The following SPATA32 variants were observed in gnomAD, a reference collection of about 807,000 sequenced individuals.
SPATA32 encodes the protein spermatogenesis-associated protein 32.
Under a neutral mutation model 35.4 loss-of-function variants are expected in SPATA32, and 28 were observed. The ratio of observed to expected loss-of-function variants is 0.79; its 90% CI spans 0.59 to 1.09. The LOEUF is 1.09. SPATA32 is among the 50% of genes least tolerant of loss of function. The pLI, the probability that SPATA32 is intolerant of heterozygous loss-of-function variation, is 0.00. For synonymous variants in SPATA32, 168 were observed against 196.3 expected (o/e 0.86, Z 1.20); for missense variants, 409 against 475.9 (o/e 0.86, Z 1.31).
chr17:45,256,257 C>T lies in SPATA32; in HGVS notation c.108+119G>A, dbSNP rs2043956373. ...GTGAGGGGGTGTGTGTGTGGGTGTA[C>T]CCACACCGGCCTGGTACTAGGGTCC... On this transcript the variant is annotated intron_variant, in intron 3 of 4. Coordinates refer to ENST00000331780, the MANE Select transcript of SPATA32 (RefSeq NM_152343.3). This position sits in a 1 kb window ranked among gnomAD's most constrained non-coding sequence, Gnocchi z 4.7. 1 of 1,242,894 alleles carries T rather than the reference C, an allele frequency of 8.0e-7. No individual in the cohort carries two copies. The highest frequency in any genetic ancestry group is 1.2e-6 in the Non-Finnish European group (1 of 847,092). The allele number at this position is 1,242,894 out of a possible 1,614,324, so 77.0% of individuals were successfully genotyped here. A position where few individuals can be genotyped will look rare whatever the true frequency, so the allele number is the denominator to read the frequency against.
rs766326334 is a variant in SPATA32, at chr17:45,262,018, C to CA, written c.-3dup. The CA allele has an allele frequency of 1.5e-6, 2 of 1,312,206 alleles. No individual in the cohort carries two copies. Among genetic ancestry groups the CA allele is most frequent in the Non-Finnish European group, 2.0e-6 (2 of 1,021,810 alleles). 81.3% of individuals were successfully genotyped at this position (1,312,206 alleles called of 1,614,324 possible). The stretch of plus-strand genomic sequence containing the variant: ...GCCGCTCCCACCTGTCACCCCCATG[C>CA]AGACCGAGGCTCTGTCCTGGAGGCG... On this transcript the variant is annotated 5_prime_UTR_variant, in exon 1 of 5. Coordinates refer to ENST00000331780, the MANE Select transcript of SPATA32 (RefSeq NM_152343.3).
chr17:45,257,137 T>A lies in SPATA32; in HGVS notation c.68+16A>T. On this transcript the variant is annotated intron_variant, in intron 2 of 4. Transcript: ENST00000331780. ...GGCTCGGGGGAGGCCCTACGTTGAT[T>A]GAGGATGGTTCTCACCGCATCTCTG... 6.2e-7 allele frequency: 1 copy of A among 1,611,706 alleles called. No individual in the cohort carries two copies.
At chr17:45,261,982 C>T (rs2044014808) in intron 1 of SPATA32, 22 bp downstream of exon 1, 1 of 1,312,602 alleles carries the variant, frequency 7.6e-7, no homozygotes, top group Non-Finnish European at 9.8e-7. Flanking sequence ...ACCCTCGCCC[C>T]CGGGCGCTCG....
In SPATA32 at chr17:45,256,308, TG is replaced by T; in HGVS notation, c.108+67del. On this transcript the variant is annotated intron_variant, in intron 3 of 4. Coordinates refer to ENST00000331780, the MANE Select transcript of SPATA32 (RefSeq NM_152343.3). The surrounding 1 kb of genome is among the most constrained non-coding windows in gnomAD (Gnocchi z 4.7). ...CAGGATTGTCAAGGGTAGGGGCTGG[TG>T]GGGACTTAGGGAAGAGCCCTGCCGC... 6.6e-7 allele frequency: 1 copy of T among 1,508,418 alleles called. No homozygotes were observed. Among genetic ancestry groups the T allele is most frequent in the Non-Finnish European group, 9.2e-7 (1 of 1,084,130 alleles). The allele number at this position is 1,508,418 out of a possible 1,614,324, so 93.4% of individuals were successfully genotyped here. A position where few individuals can be genotyped will look rare whatever the true frequency, so the allele number is the denominator to read the frequency against.
chr17:45,255,983 C>T lies in SPATA32; in HGVS notation c.199G>A (p.Gly67Arg), dbSNP rs369771173. ...DPDPDPELEI[G>R]QVPALLESEL... Reference sequence around the variant, plus strand: ...GACTCCAGTAAAGCCGGCACCTGTCCGATCTCCAGTTCTGGGTCTGGGTCT... The same window carrying T: ...GACTCCAGTAAAGCCGGCACCTGTCTGATCTCCAGTTCTGGGTCTGGGTCT... Residue 67 changes from glycine to arginine, a missense_variant, in exon 4 of 5, where the codon GGA (glycine) becomes AGA (arginine). Coordinates refer to ENST00000331780, the MANE Select transcript of SPATA32 (RefSeq NM_152343.3). The surrounding 1 kb of genome is among the most constrained non-coding windows in gnomAD (Gnocchi z 5.4). The T allele has an allele frequency of 2.5e-5, 41 of 1,614,104 alleles. No individual in the cohort carries two copies. The highest frequency in any genetic ancestry group is 1.6e-4 in the Middle Eastern group (1 of 6,062).
In SPATA32 at chr17:45,256,480, T is replaced by C. The variant is rs2043959442; in HGVS notation, c.69-65A>G. 1 of 1,448,856 alleles carries C rather than the reference T, an allele frequency of 6.9e-7. No homozygotes were observed. Among genetic ancestry groups the C allele is most frequent in the Non-Finnish European group, 9.7e-7 (1 of 1,029,376 alleles). The allele number at this position is 1,448,856 out of a possible 1,614,324, so 89.8% of individuals were successfully genotyped here. ...GGGGCTTCAGCGGGAAGGGGGTTTC[T>C]GGGGCCCTCAAAGCCCTCTGCCTTG... is the stretch of plus-strand genomic sequence containing the variant. On this transcript the variant is annotated intron_variant, in intron 2 of 4. Transcript: ENST00000331780. The surrounding 1 kb of genome is among the most constrained non-coding windows in gnomAD (Gnocchi z 4.7).
rs183645075 is a variant in SPATA32, at chr17:45,258,680, G to A, written c.14-1473C>T. Among the ~76,000 whole-genome samples, 8 of 152,264 alleles carry A rather than the reference G, an allele frequency of 5.3e-5. No individual in the cohort carries two copies. In the East Asian group the frequency reaches 9.7e-4, roughly 18 times the overall value. ...GGCAGGGTCTCACTCTGTCACCCAC[G>A]CTGGAGTGTAGTGGTGTGATCTCGG... On this transcript the variant is annotated intron_variant, in intron 1 of 4. Coordinates refer to ENST00000331780, the MANE Select transcript of SPATA32 (RefSeq NM_152343.3).
chr17:45,256,840 C>T lies in SPATA32; in HGVS notation c.68+313G>A, dbSNP rs1472477949. ...CCCACTCTTTCTTCAAGTGCCTGCC[C>T]ACCCCCGCCTTGAGCAGCTCTGTCC... is the stretch of plus-strand genomic sequence containing the variant. On this transcript the variant is annotated intron_variant, in intron 2 of 4. Coordinates refer to ENST00000331780, the MANE Select transcript of SPATA32 (RefSeq NM_152343.3). This position sits in a 1 kb window ranked among gnomAD's most constrained non-coding sequence, Gnocchi z 4.7. Among the ~76,000 whole-genome samples, 1 of 152,176 alleles carries T rather than the reference C, an allele frequency of 6.6e-6. No homozygotes were observed.
chr17:45,258,570 C>T (rs1005878895), intron 1 of SPATA32, among the ~76,000 whole-genome samples: 1 of 152,180 alleles, frequency 6.6e-6, no homozygotes, highest in South Asian at 2.1e-4. Flanking sequence ...CAGCTTGGGA[C>T]CTCGTTGCCT....
intron 1 of SPATA32, among the ~76,000 whole-genome samples, chr17:45,257,855 C>T (rs1421481257): frequency 6.6e-6 from 1 of 152,188 alleles, no homozygotes; most frequent in African/African-American, 2.4e-5. Flanking sequence ...CTCAGATCAC[C>T]CTCTGCAGGG....
Position 45,256,189 on chromosome 17 carries a change from CG to C in SPATA32, c.109-117del. 7.5e-7 allele frequency: 1 copy of C among 1,332,084 alleles called. No homozygotes were observed. Among genetic ancestry groups the C allele is most frequent in the East Asian group, 2.3e-5 (1 of 42,936 alleles). The allele number at this position is 1,332,084 out of a possible 1,614,324, so 82.5% of individuals were successfully genotyped here. On this transcript the variant is annotated intron_variant, in intron 3 of 4. Transcript: ENST00000331780. This position sits in a 1 kb window ranked among gnomAD's most constrained non-coding sequence, Gnocchi z 4.7. ...GCCCTGGGTCCTGCTGTCTTCCCCCCGCCCCCTAACCCCATGCCTGCCTCCT... is the reference window on the plus strand; with the variant it reads ...GCCCTGGGTCCTGCTGTCTTCCCCCCCCCCCTAACCCCATGCCTGCCTCCT...
chr17:45,255,271 C>G lies in SPATA32; in HGVS notation c.911G>C (p.Arg304Thr), dbSNP rs760367578. ...CTGACTCCAAGATTTCAGTGGTGCT[C>G]TGGCTTCGCGTGGTTTCTCTGGCAG... Reference protein sequence around the residue: ...ETLPEKPREARAPLKSWSQED... With the variant: ...ETLPEKPREATAPLKSWSQED... The change falls in exon 4 of 5, where the codon AGA (arginine) becomes ACA (threonine). Residue 304 changes from arginine to threonine, a missense_variant. Coordinates refer to ENST00000331780, the MANE Select transcript of SPATA32 (RefSeq NM_152343.3). The surrounding 1 kb of genome is among the most constrained non-coding windows in gnomAD (Gnocchi z 5.4). 1.9e-6 allele frequency: 3 copies of G among 1,614,080 alleles called. No homozygotes were observed. The highest frequency in any genetic ancestry group is 2.2e-5 in the South Asian group (2 of 91,086).
intron 1 of SPATA32, among the ~76,000 whole-genome samples, chr17:45,257,834 C>T (rs569245806): frequency 7.2e-5 from 11 of 152,298 alleles, no homozygotes; most frequent in African/African-American, 2.2e-4. Context: ...ACCTATCCGA[C>T]GATTTATGAG....
At chr17:45,261,815 G>C (rs989547049) in intron 1 of SPATA32, 189 bp downstream of exon 1, 32 of 517,660 alleles carry the variant, frequency 6.2e-5, no homozygotes, top group Non-Finnish European at 8.9e-5. Context: ...CTGAGGCTGG[G>C]AGCCGTAGTC....
At chr17:45,258,781 T>G (rs1405913982) in intron 1 of SPATA32, among the ~76,000 whole-genome samples, 4 of 152,226 alleles carry the variant, frequency 2.6e-5, no homozygotes, top group East Asian at 1.9e-4. Flanking sequence ...ATTATAGGCA[T>G]GCGCCACGAC....
rs778217901 is a variant in SPATA32, at chr17:45,255,829, A to G, written c.353T>C (p.Leu118Pro). 6.2e-7 allele frequency: 1 copy of G among 1,614,166 alleles called. No individual in the cohort carries two copies. The highest frequency in any genetic ancestry group is 8.5e-7 in the Non-Finnish European group (1 of 1,180,032). ...CGGTCTGAAGGTCTGTGGCGTGGGC[A>G]GCCCCATGTTGGAGTGGACGGACTC... is the stretch of plus-strand genomic sequence containing the variant. ...KIESVHSNMG[L>P]PTPQTFRPWS... is the part of the protein sequence containing the mutation. The change falls in exon 4 of 5, where the codon CTG (leucine) becomes CCG (proline). Residue 118 changes from leucine to proline, a missense_variant. Coordinates refer to ENST00000331780, the MANE Select transcript of SPATA32 (RefSeq NM_152343.3). The surrounding 1 kb of genome is among the most constrained non-coding windows in gnomAD (Gnocchi z 5.4).
chr17:45,255,278 C>T lies in SPATA32; in HGVS notation c.904G>A (p.Glu302Lys), dbSNP rs765864683. 2.0e-5 allele frequency: 32 copies of T among 1,614,042 alleles called. No individual in the cohort carries two copies. The highest frequency in any genetic ancestry group is 5.5e-5 in the South Asian group (5 of 91,088). The stretch of plus-strand genomic sequence containing the variant: ...CAAGATTTCAGTGGTGCTCTGGCTT[C>T]GCGTGGTTTCTCTGGCAGGGTCTCT... The part of the protein sequence containing the change: ...HAETLPEKPR[E>K]ARAPLKSWSQ... The change falls in exon 4 of 5, where the codon GAA becomes AAA. Residue 302 changes from glutamate (E) to lysine (K), a missense_variant. Transcript: ENST00000331780. This position sits in a 1 kb window ranked among gnomAD's most constrained non-coding sequence, Gnocchi z 5.4.
chr17:45,256,190 G>T lies in SPATA32; in HGVS notation c.109-117C>A. 1 of 1,013,576 alleles carries T rather than the reference G, an allele frequency of 9.9e-7. No individual in the cohort carries two copies. Among genetic ancestry groups the T allele is most frequent in the Non-Finnish European group, 1.4e-6 (1 of 707,838 alleles). The allele number at this position is 1,013,576 out of a possible 1,614,324, so 62.8% of individuals were successfully genotyped here. A position where few individuals can be genotyped will look rare whatever the true frequency, so the allele number is the denominator to read the frequency against. Reference sequence around the variant, plus strand: ...CCCTGGGTCCTGCTGTCTTCCCCCCGCCCCCTAACCCCATGCCTGCCTCCT... The same window carrying T: ...CCCTGGGTCCTGCTGTCTTCCCCCCTCCCCCTAACCCCATGCCTGCCTCCT... On this transcript the variant is annotated intron_variant, in intron 3 of 4. Coordinates refer to ENST00000331780, the MANE Select transcript of SPATA32 (RefSeq NM_152343.3). The surrounding 1 kb of genome is among the most constrained non-coding windows in gnomAD (Gnocchi z 4.7).
chr17:45,257,527 TCA>T (rs140912455), intron 1 of SPATA32, among the ~76,000 whole-genome samples: 19,443 of 152,124 alleles, frequency 0.13, 1,267 homozygotes, highest in Admixed American at 0.18. Context: ...CTGCTTTATC[TCA>T]CTGATTCAAC....
Sources: gnomAD v4.1 joint callset for allele counts (sites outside exome capture counted in the v4.1 genomes callset) on GRCh38, gnomAD v4.1.1 for gene constraint, Gnocchi (gnomAD v3.1) non-coding constraint, MANE v1.5 for transcripts, NCBI Gene and HGNC (gene_info 2026-07-23, HGNC 2026-07-21) for gene names.